Variants in LRP1B observed in about 807,000 individuals in gnomAD.
LRP1B encodes the protein LDL receptor related protein 1B.
A neutral mutation model predicts 556.6 loss-of-function variants in LRP1B; 217 were observed. The ratio of observed to expected loss-of-function variants is 0.39; its 90% CI spans 0.35 to 0.44. The LOEUF is 0.44. Among genes scored for constraint, LRP1B ranks in the 20% least tolerant of loss-of-function variants. The probability of loss-of-function intolerance (pLI) is 1.00; values close to 1 mark genes in which losing one functional copy is unlikely to be tolerated. For synonymous variants in LRP1B, 2,047 were observed against 1,865.8 expected (o/e 1.10, Z -2.50); for missense variants, 5,053 against 5,620.8 (o/e 0.90, Z 3.23).
intron 2 of LRP1B, among the ~76,000 whole-genome samples, chr2:141,582,777 A>T (rs749078052): frequency 6.7e-6 from 1 of 149,994 alleles, no homozygotes; most frequent in Non-Finnish European, 1.5e-5. Flanking sequence ...AATTAGTTTG[A>T]GGATTCTGAC....
intron 2 of LRP1B, among the ~76,000 whole-genome samples, chr2:141,487,405 A>C (rs1024688625): frequency 4.6e-5 from 7 of 152,138 alleles, no homozygotes; most frequent in African/African-American, 1.4e-4. Context: ...CTCCTGGCTA[A>C]TTTCTACTTC....
intron 1 of LRP1B, among the ~76,000 whole-genome samples, chr2:142,075,854 C>T (rs1705478950): frequency 6.6e-6 from 1 of 152,106 alleles, no homozygotes; most frequent in African/African-American, 2.4e-5. Context: ...ACAATCAAAA[C>T]TCATGAGAAT....
In LRP1B at chr2:142,015,991, C is replaced by CAAAAAAAAAAAAAAAAAAAAAA. The variant is rs70994471; in HGVS notation, c.82+114656_82+114657insTTTTTTTTTTTTTTTTTTTTTT. On this transcript the variant is annotated intron_variant, in intron 1 of 90. Coordinates refer to ENST00000389484, the MANE Select transcript of LRP1B (RefSeq NM_018557.3). ...TGGGCAACAGCGCGAGACTCCATCT[C>CAAAAAAAAAAAAAAAAAAAAAA]AAAAAAAAAAAAAAAAAAAAAGTGG... Among the ~76,000 whole-genome samples, 4 of 38,794 alleles carry CAAAAAAAAAAAAAAAAAAAAAA rather than the reference C, an allele frequency of 1.0e-4. 2 individuals are homozygous for CAAAAAAAAAAAAAAAAAAAAAA. In the East Asian group the frequency reaches 5.8e-3, roughly 56 times the overall value. 25.5% of individuals were successfully genotyped at this position (38,794 alleles called of 152,430 possible).
intron 2 of LRP1B, among the ~76,000 whole-genome samples, chr2:141,580,695 C>T (rs1686933179): frequency 1.3e-5 from 2 of 152,226 alleles, no homozygotes; most frequent in African/African-American, 2.4e-5. Flanking sequence ...ACAGGTTTCC[C>T]GAACATAAAG....
intron 53 of LRP1B, among the ~76,000 whole-genome samples, 177 bp downstream of exon 53, chr2:140,506,619 T>C (rs1050027320): frequency 6.6e-6 from 1 of 152,224 alleles, no homozygotes; most frequent in Non-Finnish European, 1.5e-5. Flanking sequence ...TCCAAAGAAA[T>C]GTATTATACT....
chr2:142,124,668 T>A (rs778181442), intron 1 of LRP1B, among the ~76,000 whole-genome samples: 9 of 151,912 alleles, frequency 5.9e-5, no homozygotes, highest in Non-Finnish European at 1.3e-4. Context: ...ACTTATTTAT[T>A]TTCTAATAGT....
At chr2:140,385,029 C>T (rs1305726707) in intron 67 of LRP1B, among the ~76,000 whole-genome samples, 2 of 152,010 alleles carry the variant, frequency 1.3e-5, no homozygotes, top group African/African-American at 2.4e-5. Context: ...GGGTTTATTG[C>T]GTGGGCCCAA....
At chr2:141,743,375 A>C (rs1291932535) in intron 2 of LRP1B, among the ~76,000 whole-genome samples, 1 of 151,890 alleles carries the variant, frequency 6.6e-6, no homozygotes, top group African/African-American at 2.4e-5. Flanking sequence ...TTCATCAGAA[A>C]TATTGGTCTG....
intron 3 of LRP1B, among the ~76,000 whole-genome samples, chr2:141,361,788 A>G (rs1248316127): frequency 6.6e-6 from 1 of 152,204 alleles, no homozygotes; most frequent in African/African-American, 2.4e-5. Flanking sequence ...CTATTTGAGA[A>G]GTCTTTCCAG....
chr2:140,759,797 A>G (rs1034708559), intron 35 of LRP1B, among the ~76,000 whole-genome samples: 5 of 152,192 alleles, frequency 3.3e-5, no homozygotes, highest in African/African-American at 1.2e-4. Flanking sequence ...TAATAATTCT[A>G]TTGGTGATAT....
chr2:141,572,574 C>T (rs1686569838), intron 2 of LRP1B, among the ~76,000 whole-genome samples: 1 of 152,098 alleles, frequency 6.6e-6, no homozygotes, highest in African/African-American at 2.4e-5. Flanking sequence ...CAAGTTCACA[C>T]ATAACAACAA....
intron 27 of LRP1B, among the ~76,000 whole-genome samples, 183 bp from the exon 28 acceptor site, chr2:140,851,966 C>A (rs1216820253): frequency 6.6e-6 from 1 of 152,108 alleles, no homozygotes; most frequent in Non-Finnish European, 1.5e-5. Flanking sequence ...AATAAAAAAA[C>A]ATTATTTCAA....
chr2:141,411,193 G>A (rs1690837526), intron 3 of LRP1B, among the ~76,000 whole-genome samples: 1 of 151,968 alleles, frequency 6.6e-6, no homozygotes, highest in African/African-American at 2.4e-5. Flanking sequence ...GTTCAAATAA[G>A]GAATGATAGG....
intron 3 of LRP1B, among the ~76,000 whole-genome samples, chr2:141,331,239 G>A (rs1350442451): frequency 6.6e-6 from 1 of 152,166 alleles, no homozygotes; most frequent in African/African-American, 2.4e-5. Context: ...CAGTATGATG[G>A]TAACTGCTAA....
chr2:141,536,863 T>C (rs1685085658), intron 2 of LRP1B, among the ~76,000 whole-genome samples: 1 of 152,020 alleles, frequency 6.6e-6, no homozygotes, highest in African/African-American at 2.4e-5. Flanking sequence ...AAATGCACAA[T>C]TAAAATATCT....
At chr2:140,592,932 C>G (rs895684575) in intron 43 of LRP1B, among the ~76,000 whole-genome samples, 1 of 90,518 alleles carries the variant, frequency 1.1e-5, no homozygotes, top group Non-Finnish European at 2.3e-5. Flanking sequence ...AAAGTGAGAT[C>G]CTGACACACA....
At chr2:142,029,881 T>C (rs768512543) in intron 1 of LRP1B, among the ~76,000 whole-genome samples, 27 of 150,618 alleles carry the variant, frequency 1.8e-4, no homozygotes, top group Non-Finnish European at 3.4e-4. Flanking sequence ...TTAATTTCTA[T>C]TGTGACAAGA....
At chr2:141,795,836 T>C (rs1057000986) in intron 2 of LRP1B, among the ~76,000 whole-genome samples, 2 of 121,694 alleles carry the variant, frequency 1.6e-5, no homozygotes, top group African/African-American at 6.2e-5. Flanking sequence ...TATCAAGAAA[T>C]AGAGAATGAA....
rs1691052685 is a variant in LRP1B at position 141,680,180 on chromosome 2, T to A, written c.205+130099A>T. ...TTCATAATATTTTAAACTTTGCGAA[T>A]TTCGAATCAAAATCAGGTAAAGACA... On this transcript the variant is annotated intron_variant, in intron 2 of 90. Coordinates refer to ENST00000389484, the MANE Select transcript of LRP1B (RefSeq NM_018557.3). 2.0e-5 allele frequency among the ~76,000 whole-genome samples: 3 copies of A among 152,102 alleles called. No individual in the cohort carries two copies. In the South Asian group the frequency reaches 6.2e-4, roughly 31 times the overall value.
Sources: gnomAD v4.1 joint callset for allele counts (sites outside exome capture counted in the v4.1 genomes callset) on GRCh38, gnomAD v4.1.1 for gene constraint, MANE v1.5 for transcripts, NCBI Gene and HGNC (gene_info 2026-07-23, HGNC 2026-07-21) for gene names.